The following LMF1 variants were observed in gnomAD, a reference collection of about 807,000 sequenced individuals.
LMF1 encodes the protein lipase maturation factor 1, also known as transmembrane protein 112.
In LMF1, 68 loss-of-function variants were observed where a neutral mutation model predicts 60.6. That is an observed-to-expected ratio of 1.12 (90% CI 0.92 to 1.37). The LOEUF is 1.37. LMF1 is among the 40% of genes most tolerant of loss of function. LMF1 has a pLI of 0.00. For missense variants in LMF1, 948 were observed against 767.2 expected (o/e 1.24, Z -2.78); for synonymous variants, 418 against 324.7 (o/e 1.29, Z -3.09).
upstream of LMF1, among the ~76,000 whole-genome samples, chr16:973,171 C>T (rs968536362): frequency 1.3e-5 from 2 of 151,998 alleles, no homozygotes. Context: ...GGTGAAACCC[C>T]GCCTCTACTA....
At position 854,225 on chromosome 16, in the gene LMF1, A is replaced by T. The variant is rs933855868; in HGVS notation, c.*307T>A. On this transcript the variant is annotated 3_prime_UTR_variant, in exon 11 of 11. Coordinates refer to ENST00000262301, the MANE Select transcript of LMF1 (RefSeq NM_022773.4). ...AGGTGTCAGGATGGCCATTGTCTCA[A>T]CTCCTGTGGGCGGCACAGCCCCAGG... 10 of 594,910 alleles carry T rather than the reference A, an allele frequency of 1.7e-5. No homozygotes were observed. The highest frequency in any genetic ancestry group is 2.8e-5 in the Non-Finnish European group (9 of 317,310). The allele number at this position is 594,910 out of a possible 1,614,324, so 36.9% of individuals were successfully genotyped here.
At chr16:951,886 T>A (rs925598870) in intron 2 of LMF1, among the ~76,000 whole-genome samples, 1 of 152,206 alleles carries the variant, frequency 6.6e-6, no homozygotes, top group Non-Finnish European at 1.5e-5. Flanking sequence ...AGACAGCTCA[T>A]GTGAACGTGA....
intron 4 of LMF1, among the ~76,000 whole-genome samples, chr16:894,365 C>T: frequency 6.6e-6 from 1 of 151,512 alleles, no homozygotes; most frequent in Admixed American, 6.6e-5. Flanking sequence ...CACCTGTCCC[C>T]CCGTCCACCT....
At chr16:888,650 C>T (rs2070382663) in intron 5 of LMF1, among the ~76,000 whole-genome samples, 1 of 152,254 alleles carries the variant, frequency 6.6e-6, no homozygotes, top group South Asian at 2.1e-4. Context: ...CAGCAACCCT[C>T]CCCACAGCCT....
intron 1 of LMF1, among the ~76,000 whole-genome samples, chr16:978,649 A>G (rs555681472): frequency 6.6e-6 from 1 of 152,304 alleles, no homozygotes; most frequent in South Asian, 2.1e-4. Context: ...ACTCCCCCTG[A>G]AACTGCAAGG....
chr16:952,387 C>A (rs1485831657), intron 2 of LMF1, among the ~76,000 whole-genome samples: 2 of 152,230 alleles, frequency 1.3e-5, no homozygotes, highest in South Asian at 4.1e-4. Flanking sequence ...GCCACCAAGC[C>A]CAGATCAGAG....
chr16:864,078 G>C (rs949611983), intron 10 of LMF1, among the ~76,000 whole-genome samples: 1 of 152,126 alleles, frequency 6.6e-6, no homozygotes, highest in Non-Finnish European at 1.5e-5. Flanking sequence ...TTGATTTGTC[G>C]AGCTCTCCTT....
At chr16:913,274 G>A (rs528651422) in intron 3 of LMF1, among the ~76,000 whole-genome samples, 2 of 152,356 alleles carry the variant, frequency 1.3e-5, no homozygotes, top group South Asian at 2.1e-4. Context: ...ACCCTGTGAG[G>A]AGCCTGACGC....
At chr16:963,895 T>C (rs1012925936) in intron 1 of LMF1, among the ~76,000 whole-genome samples, 4 of 152,124 alleles carry the variant, frequency 2.6e-5, no homozygotes, top group African/African-American at 7.2e-5. Context: ...AATAGCTACA[T>C]AAAAAGATGC....
chr16:940,576 C>T (rs1418111101), intron 2 of LMF1, among the ~76,000 whole-genome samples: 1 of 152,198 alleles, frequency 6.6e-6, no homozygotes, highest in East Asian at 1.9e-4. Context: ...ATGGATGTCC[C>T]AGAAGAGACC....
At chr16:879,282 G>T (rs894328958) in intron 6 of LMF1, among the ~76,000 whole-genome samples, 1 of 152,206 alleles carries the variant, frequency 6.6e-6, no homozygotes, top group African/African-American at 2.4e-5. Flanking sequence ...TGCTGACCCC[G>T]TCCCACTGCC....
chr16:972,392 T>C (rs2073067237), upstream of LMF1, among the ~76,000 whole-genome samples: 1 of 152,092 alleles, frequency 6.6e-6, no homozygotes, highest in Non-Finnish European at 1.5e-5. Context: ...CTCGGAGCCT[T>C]GGGGATCGCA....
chr16:971,100 G>A (rs2073043304), upstream of LMF1: 2 of 1,083,420 alleles, frequency 1.8e-6, no homozygotes, highest in African/African-American at 1.6e-5. Flanking sequence ...CCACACCCCG[G>A]GAGGCCCCGC....
chr16:910,462 G>A (rs895225152), intron 4 of LMF1, among the ~76,000 whole-genome samples: 9 of 152,302 alleles, frequency 5.9e-5, no homozygotes, highest in African/African-American at 1.7e-4. Context: ...TGAGGAGGCC[G>A]CGCTTTCCCT....
chr16:975,661 G>A (rs970835801), upstream of LMF1: 3 of 383,862 alleles, frequency 7.8e-6, no homozygotes, highest in South Asian at 2.0e-5. Flanking sequence ...GAGGAAGCAC[G>A]CTCCCTGCTC....
chr16:930,400 C>T (rs560513233), intron 3 of LMF1, among the ~76,000 whole-genome samples: 104 of 152,296 alleles, frequency 6.8e-4, no homozygotes, highest in African/African-American at 2.5e-3. Flanking sequence ...CCCATCTCCA[C>T]AAAAAGTTAA....
chr16:924,584 C>T (rs2071541340), intron 3 of LMF1, among the ~76,000 whole-genome samples: 1 of 152,200 alleles, frequency 6.6e-6, no homozygotes, highest in African/African-American at 2.4e-5. Context: ...TATAAAACCA[C>T]ACCATCGGCC....
At chr16:854,870 C>CG in intron 10 of LMF1, 164 bp from the exon 11 acceptor site, 1 of 683,782 alleles carries the variant, frequency 1.5e-6, no homozygotes, top group Non-Finnish European at 2.6e-6. Context: ...CAGCAGACCC[C>CG]GGGCAGGGCA....
intron 10 of LMF1, among the ~76,000 whole-genome samples, chr16:868,625 T>C (rs2151697423): frequency 6.6e-6 from 1 of 152,114 alleles, no homozygotes; most frequent in East Asian, 1.9e-4. Flanking sequence ...GGAGCAGAGG[T>C]GGCACCTAGA....
Sources: gnomAD v4.1 joint callset for allele counts (sites outside exome capture counted in the v4.1 genomes callset) on GRCh38, gnomAD v4.1.1 for gene constraint, MANE v1.5 for transcripts, NCBI Gene and HGNC (gene_info 2026-07-23, HGNC 2026-07-21) for gene names.